The following UBE2E1 variants were observed in gnomAD, a reference collection of about 807,000 sequenced individuals.
UBE2E1 encodes ubiquitin conjugating enzyme E2 E1.
In UBE2E1, 6 loss-of-function variants were observed where a neutral mutation model predicts 21.4. The ratio of observed to expected loss-of-function variants is 0.28; its 90% CI spans 0.15 to 0.55. UBE2E1 has a LOEUF of 0.55. UBE2E1 is among the 20% of genes least tolerant of loss of function. UBE2E1 has a pLI of 0.93. For synonymous variants in UBE2E1, 87 were observed against 82.7 expected, an observed-to-expected ratio of 1.05 and a Z score of -0.28; for missense variants, 142 against 236.5, an observed-to-expected ratio of 0.60 and a Z score of 2.62.
chr3:23,858,050 T>C (rs1284227080), intron 3 of UBE2E1, among the ~76,000 whole-genome samples: 1 of 152,092 alleles, frequency 6.6e-6, no homozygotes, highest in African/African-American at 2.4e-5. Flanking sequence ...TTAGCTAGTC[T>C]TTCTTAAGAG....
intron 3 of UBE2E1, among the ~76,000 whole-genome samples, chr3:23,843,117 T>C (rs553300298): frequency 6.6e-6 from 1 of 152,102 alleles, no homozygotes; most frequent in African/African-American, 2.4e-5. Flanking sequence ...AGGACAATTT[T>C]TTTCAGATTA....
rs1297891454 is a variant in UBE2E1, at chr3:23,882,109, C to A, written c.204-5458C>A. 3.3e-5 allele frequency among the ~76,000 whole-genome samples: 5 copies of A among 152,196 alleles called. No homozygotes were observed. In the East Asian group the frequency reaches 9.6e-4, roughly 29 times the overall value. On this transcript the variant is annotated intron_variant, in intron 3 of 5. Transcript: ENST00000306627. Reference sequence around the variant, plus strand: ...TGCAAGGAGTGAAAGAACAAAGCTTCCACAGTGTCAAAGGGGGCCTGAGCA... The same window carrying A: ...TGCAAGGAGTGAAAGAACAAAGCTTACACAGTGTCAAAGGGGGCCTGAGCA...
chr3:23,890,540 G>C lies in UBE2E1; in HGVS notation c.516G>C (p.Gln172His). 6.2e-7 allele frequency: 1 copy of C among 1,613,672 alleles called. No homozygotes were observed. The highest frequency in any genetic ancestry group is 8.5e-7 in the Non-Finnish European group (1 of 1,179,830). The change falls in exon 6 of 6, where the codon CAG (glutamine) becomes CAC (histidine). Residue 172 changes from glutamine to histidine, a missense_variant. This residue lies in a region of UBE2E1 where 87 missense variants were observed against 184.9 expected (regional missense o/e 0.47). Transcript: ENST00000306627. Reference sequence around the variant, plus strand: ...CCTTGGTGGGAAGTATTGCCACTCAGTATATGACCAACAGAGCAGAACATG... The same window carrying C: ...CCTTGGTGGGAAGTATTGCCACTCACTATATGACCAACAGAGCAGAACATG... ...ADPLVGSIATQYMTNRAEHDR... is the reference protein window; with the variant it reads ...ADPLVGSIATHYMTNRAEHDR...
intron 3 of UBE2E1, among the ~76,000 whole-genome samples, chr3:23,872,244 G>A (rs1290481841): frequency 3.3e-5 from 5 of 152,226 alleles, no homozygotes; most frequent in East Asian, 3.9e-4. Context: ...GTGGCGGCGC[G>A]CGCCTGCAAT....
chr3:23,887,567 T>C lies in UBE2E1; in HGVS notation c.204T>C (p.Ser68=). 5 of 1,608,420 alleles carry C rather than the reference T, an allele frequency of 3.1e-6. No homozygotes were observed. Among genetic ancestry groups the C allele is most frequent in the African/African-American group, 1.3e-5 (1 of 74,630 alleles). ...DITLDPPPNC[S]AGPKGDNIYE... ...TTATTTGTTGACGTATTATTCACAG[T>C]GCTGGTCCCAAAGGCGATAACATCT... The change falls in exon 4 of 6, where the codon AGT becomes AGC. Residue 68 remains serine (S), a splice_region_variant and synonymous_variant. Coordinates refer to ENST00000306627, the MANE Select transcript of UBE2E1 (RefSeq NM_003341.5). The surrounding 1 kb of genome is among the most constrained non-coding windows in gnomAD (Gnocchi z 4.4).
chr3:23,868,610 T>G (rs1189973229), intron 3 of UBE2E1, among the ~76,000 whole-genome samples: 1 of 152,154 alleles, frequency 6.6e-6, no homozygotes. Context: ...CCTGGCCACT[T>G]TTACTTTCTC....
chr3:23,873,016 C>T (rs950698294), intron 3 of UBE2E1, among the ~76,000 whole-genome samples: 1 of 140,674 alleles, frequency 7.1e-6, no homozygotes, highest in African/African-American at 2.6e-5. Context: ...GACTCCATCT[C>T]AAAAAAAAAA....
chr3:23,858,914 C>T (rs1213465146), intron 3 of UBE2E1, among the ~76,000 whole-genome samples: 1 of 152,194 alleles, frequency 6.6e-6, no homozygotes, highest in Non-Finnish European at 1.5e-5. Flanking sequence ...AAGCCACCCT[C>T]ACTTGAGCTC....
intron 3 of UBE2E1, among the ~76,000 whole-genome samples, chr3:23,855,858 A>AT (rs1700424272): frequency 6.6e-6 from 1 of 152,144 alleles, no homozygotes. Flanking sequence ...AATAAAAAAA[A>AT]GAAGTAGTGC....
rs553616806 is a variant in UBE2E1, at chr3:23,852,048, C to A, written c.204-35519C>A. 3.3e-5 allele frequency among the ~76,000 whole-genome samples: 5 copies of A among 152,314 alleles called. No individual in the cohort carries two copies. In the East Asian group the frequency reaches 7.7e-4, roughly 24 times the overall value. ...TCCCCACTCTCTCATGCTCCCTTTC[C>A]TGTCATGTCACATGCCTGCTCTCCC... On this transcript the variant is annotated intron_variant, in intron 3 of 5. Coordinates refer to ENST00000306627, the MANE Select transcript of UBE2E1 (RefSeq NM_003341.5).
At chr3:23,827,555 C>G (rs1699784076) in intron 3 of UBE2E1, among the ~76,000 whole-genome samples, 1 of 152,176 alleles carries the variant, frequency 6.6e-6, no homozygotes, top group African/African-American at 2.4e-5. Context: ...TCACTAGGCT[C>G]TTAAGTGGAG....
At chr3:23,843,585 C>T (rs1344810987) in intron 3 of UBE2E1, among the ~76,000 whole-genome samples, 1 of 152,184 alleles carries the variant, frequency 6.6e-6, no homozygotes, top group Non-Finnish European at 1.5e-5. Flanking sequence ...TCCACTCTCA[C>T]CTTCCACAGT....
intron 3 of UBE2E1, among the ~76,000 whole-genome samples, chr3:23,848,812 TG>T (rs745454870): frequency 6.6e-6 from 1 of 151,968 alleles, no homozygotes; most frequent in Non-Finnish European, 1.5e-5. Flanking sequence ...AAGTCCTAAC[TG>T]GAATCAAAGG....
intron 3 of UBE2E1, among the ~76,000 whole-genome samples, chr3:23,815,061 G>A (rs754821569): frequency 2.6e-5 from 4 of 152,080 alleles, no homozygotes; most frequent in Non-Finnish European, 4.4e-5. Flanking sequence ...GCTCACTGCA[G>A]CCTTGACCTC....
intron 2 of UBE2E1, chr3:23,807,996 T>A (rs1227064347): frequency 6.6e-6 from 1 of 152,240 alleles, no homozygotes; most frequent in African/African-American, 2.4e-5. Context: ...AATCAGTAAG[T>A]GACTATAAAA....
At chr3:23,817,221 T>A (rs1699542869) in intron 3 of UBE2E1, among the ~76,000 whole-genome samples, 2 of 152,026 alleles carry the variant, frequency 1.3e-5, no homozygotes, top group African/African-American at 4.8e-5. Context: ...GGCGGGTAGA[T>A]CACCTGAGGT....
intron 3 of UBE2E1, among the ~76,000 whole-genome samples, chr3:23,854,522 T>C (rs1700395010): frequency 6.6e-6 from 1 of 152,214 alleles, no homozygotes; most frequent in African/African-American, 2.4e-5. Context: ...AGCCTTCTCA[T>C]GGCCTTTTTG....
intron 3 of UBE2E1, among the ~76,000 whole-genome samples, chr3:23,822,923 T>C (rs1699676445): frequency 6.9e-6 from 1 of 144,086 alleles, no homozygotes; most frequent in Non-Finnish European, 1.5e-5. Context: ...CTTGGCTCAC[T>C]GTTACCTGTG....
At chr3:23,844,657 A>G (rs1700160394) in intron 3 of UBE2E1, among the ~76,000 whole-genome samples, 1 of 152,202 alleles carries the variant, frequency 6.6e-6, no homozygotes, top group Non-Finnish European at 1.5e-5. Context: ...CATGCCCACC[A>G]GTAGCAGAGC....
Sources: allele counts gnomAD v4.1 joint callset (sites outside exome capture counted in the v4.1 genomes callset), GRCh38; gene constraint gnomAD v4.1.1; regional missense constraint gnomAD v4.1.1; non-coding constraint Gnocchi (gnomAD v3.1); transcripts MANE v1.5; gene names NCBI Gene and HGNC (gene_info 2026-07-23, HGNC 2026-07-21).